The following FMN1 variants were observed in gnomAD, a reference collection of about 807,000 sequenced individuals.
FMN1 encodes formin 1.
In FMN1, 110 loss-of-function variants were observed where a neutral mutation model predicts 132.4. The ratio of observed to expected loss-of-function variants is 0.83; its 90% CI spans 0.71 to 0.97. The LOEUF (loss-of-function observed/expected upper bound fraction) is 0.97, where lower values mean the gene tolerates loss of function less well. Among genes scored for constraint, FMN1 ranks in the 50% least tolerant of loss-of-function variants. FMN1 has a pLI of 0.00. For missense variants in FMN1, 1,792 were observed against 1,705.3 expected, an observed-to-expected ratio of 1.05 and a Z score of -0.90; for synonymous variants, 722 against 651.7, an observed-to-expected ratio of 1.11 and a Z score of -1.64.
At position 33,186,274 on chromosome 15, in the gene FMN1, AT is replaced by A. The variant is rs747545112; in HGVS notation, c.-196-6013del. On this transcript the variant is annotated intron_variant, in intron 2 of 20. Coordinates refer to ENST00000616417, the MANE Select transcript of FMN1 (RefSeq NM_001277313.2). The stretch of plus-strand genomic sequence containing the variant: ...TCACTTCCAGAGCTGCAGTGAGTAT[AT>A]CCAACTCCTTTCCTGCCCAATGGCC... Among the ~76,000 whole-genome samples, 4 of 152,068 alleles carry A rather than the reference AT, an allele frequency of 2.6e-5. 1 individual carries two copies. The highest frequency in any genetic ancestry group is 4.2e-4 in the South Asian group (2 of 4,816).
intron 3 of FMN1, among the ~76,000 whole-genome samples, chr15:33,158,880 G>A (rs1055393844): frequency 2.0e-5 from 3 of 152,120 alleles, no homozygotes; most frequent in African/African-American, 7.2e-5. Flanking sequence ...GAGAAGAGAT[G>A]GTCAATTTTA....
At chr15:33,136,338 A>G (rs1233185985) in intron 4 of FMN1, among the ~76,000 whole-genome samples, 1 of 152,252 alleles carries the variant, frequency 6.6e-6, no homozygotes, top group African/African-American at 2.4e-5. Context: ...TTTAAATTTC[A>G]TGGGAGAATA....
chr15:32,803,610 C>T (rs939918326), intron 18 of FMN1, among the ~76,000 whole-genome samples: 6 of 152,038 alleles, frequency 3.9e-5, no homozygotes, highest in South Asian at 4.2e-4. Flanking sequence ...TTCTCCCCAC[C>T]TGAACATATG....
At chr15:32,975,296 T>A (rs994054758) in intron 7 of FMN1, among the ~76,000 whole-genome samples, 40 of 152,246 alleles carry the variant, frequency 2.6e-4, no homozygotes, top group Non-Finnish European at 4.6e-4. Context: ...CACAATTTAA[T>A]CATATTTGAA....
intron 15 of FMN1, among the ~76,000 whole-genome samples, chr15:32,889,370 T>C (rs78887704): frequency 1.3e-5 from 2 of 152,292 alleles, no homozygotes; most frequent in East Asian, 3.9e-4. Flanking sequence ...TCTTCAATTA[T>C]TCCTCTCTCT....
chr15:32,988,049 G>GTTTTTTTTTTTTTTTTTT (rs10573409), intron 7 of FMN1, among the ~76,000 whole-genome samples: 10 of 118,164 alleles, frequency 8.5e-5, no homozygotes, highest in Non-Finnish European at 1.2e-4. Flanking sequence ...TGTCTCTCCA[G>GTTTTTTTTTTTTTTTTTT]TTTTTTTTTT....
At chr15:32,847,809 C>A (rs370338682) in intron 17 of FMN1, among the ~76,000 whole-genome samples, 1 of 152,046 alleles carries the variant, frequency 6.6e-6, no homozygotes, top group African/African-American at 2.4e-5. Context: ...GAGCTGAGAT[C>A]GCGCCACTGC....
chr15:33,043,514 G>A (rs2036537374), intron 6 of FMN1, among the ~76,000 whole-genome samples: 1 of 152,224 alleles, frequency 6.6e-6, no homozygotes, highest in African/African-American at 2.4e-5. Flanking sequence ...TAAATCTGCT[G>A]TGATTCTGGG....
At chr15:32,896,525 C>T (rs564386339) in intron 15 of FMN1, among the ~76,000 whole-genome samples, 1 of 152,104 alleles carries the variant, frequency 6.6e-6, no homozygotes, top group Admixed American at 6.5e-5. Context: ...GTACAGATCT[C>T]TAGAACTTCT....
At chr15:33,143,831 A>G (rs552211300) in intron 4 of FMN1, among the ~76,000 whole-genome samples, 23 of 152,364 alleles carry the variant, frequency 1.5e-4, no homozygotes, top group Admixed American at 1.4e-3. Context: ...ATGCATCCAA[A>G]GTAAAAGATA....
chr15:33,054,090 C>T (rs150120765), intron 6 of FMN1, among the ~76,000 whole-genome samples: 1 of 152,252 alleles, frequency 6.6e-6, no homozygotes, highest in East Asian at 1.9e-4. Flanking sequence ...CAACCCCCAT[C>T]CTGAAACTTT....
chr15:32,918,203 T>C (rs916447341), intron 10 of FMN1, among the ~76,000 whole-genome samples: 1 of 151,954 alleles, frequency 6.6e-6, no homozygotes, highest in Non-Finnish European at 1.5e-5. Flanking sequence ...CTTGAGTATA[T>C]AACAATAATT....
At chr15:32,878,765 G>C (rs955072822) in intron 16 of FMN1, among the ~76,000 whole-genome samples, 2 of 152,134 alleles carry the variant, frequency 1.3e-5, no homozygotes, top group East Asian at 3.8e-4. Flanking sequence ...TTGAATTCAG[G>C]ACTTCTGACC....
chr15:32,954,495 C>T (rs1047047415), intron 9 of FMN1, among the ~76,000 whole-genome samples: 2 of 152,194 alleles, frequency 1.3e-5, no homozygotes. Flanking sequence ...TATCTTTTGA[C>T]AGATGAGAAA....
chr15:33,128,579 T>C (rs1227580048), intron 4 of FMN1, among the ~76,000 whole-genome samples: 3 of 152,208 alleles, frequency 2.0e-5, no homozygotes, highest in East Asian at 3.9e-4. Context: ...TTCCGATGCG[T>C]TCGTGGTCTA....
chr15:33,150,465 T>C, intron 4 of FMN1: 1 of 985,424 alleles, frequency 1.0e-6, no homozygotes, highest in Non-Finnish European at 1.2e-6. Context: ...TATGTGGTGA[T>C]AATGGAGATT....
At position 32,969,124 on chromosome 15, in the gene FMN1, G is replaced by A; in HGVS notation, c.2577C>T (p.Gly859=). The stretch of plus-strand genomic sequence containing the variant: ...ATGCCTTCTGCTGATTTGATGCCAT[G>A]CCCTCCATTGGCTGGAGTGCTGCAT... ...DIHAALQPME[G]MASNQQKALP... is the part of the protein sequence containing the mutation. The change falls in exon 8 of 21, where the codon GGC becomes GGT. Residue 859 remains glycine, a synonymous_variant. Coordinates refer to ENST00000616417, the MANE Select transcript of FMN1 (RefSeq NM_001277313.2). The A allele has an allele frequency of 2.5e-6, 4 of 1,613,464 alleles. No individual in the cohort carries two copies. The highest frequency in any genetic ancestry group is 3.4e-6 in the Non-Finnish European group (4 of 1,179,538).
At chr15:32,927,964 G>C (rs1017252124) in intron 9 of FMN1, among the ~76,000 whole-genome samples, 1 of 152,230 alleles carries the variant, frequency 6.6e-6, no homozygotes, top group South Asian at 2.1e-4. Context: ...TATTATTACT[G>C]TAATAGCTGA....
chr15:33,032,849 T>TA (rs139456757), intron 6 of FMN1, among the ~76,000 whole-genome samples: 3,885 of 152,168 alleles, frequency 0.026, 174 homozygotes, highest in African/African-American at 0.089. Flanking sequence ...CTGGGGGGGT[T>TA]ATTTTACTAC....
Sources: gnomAD v4.1 joint callset for allele counts (sites outside exome capture counted in the v4.1 genomes callset) on GRCh38, gnomAD v4.1.1 for gene constraint, MANE v1.5 for transcripts, NCBI Gene and HGNC (gene_info 2026-07-23, HGNC 2026-07-21) for gene names.